PMFBP1: variants seen among roughly 807,000 people sequenced by gnomAD.
The protein encoded by PMFBP1 is polyamine-modulated factor 1-binding protein 1.
Under a neutral mutation model 137.8 loss-of-function variants are expected in PMFBP1, and 131 were observed. That is an observed-to-expected ratio of 0.95 (90% CI 0.82 to 1.10). The LOEUF (loss-of-function observed/expected upper bound fraction) is 1.10. Among genes scored for constraint, PMFBP1 ranks in the 50% least tolerant of loss-of-function variants. The pLI, the probability that PMFBP1 is intolerant of heterozygous loss-of-function variation, is 0.00. For synonymous variants in PMFBP1, 490 were observed against 450.4 expected (o/e 1.09, Z -1.11); for missense variants, 1,199 against 1,175.4 (o/e 1.02, Z -0.29).
At chr16:72,236,813 T>C in the PMFBP1 span, among the ~76,000 whole-genome samples, 1 of 152,194 alleles carries the variant, frequency 6.6e-6, no homozygotes, top group East Asian at 1.9e-4. Flanking sequence ...GGATAGGTGC[T>C]GAAAATAAAA....
chr16:72,190,216 T>A, the PMFBP1 span, among the ~76,000 whole-genome samples: 4 of 152,188 alleles, frequency 2.6e-5, no homozygotes, highest in Non-Finnish European at 5.9e-5. Context: ...TTAGTTTTAT[T>A]CAGTCTCTGA....
rs75847583 is a variant in PMFBP1 at position 72,161,631 on chromosome 16, A to G, written c.165+3133T>C. On this transcript the variant is annotated intron_variant, in intron 3 of 20. Coordinates refer to ENST00000237353, the MANE Select transcript of PMFBP1 (RefSeq NM_031293.3). ...CAAAAGTAGCCCAGAGAGTTCCCAT[A>G]TGTTCTTCATACAGCTTTCCCTAAG... is the stretch of plus-strand genomic sequence containing the variant. Among the ~76,000 whole-genome samples, 596 of 152,228 alleles carry G rather than the reference A, an allele frequency of 3.9e-3. 2 individuals carry two copies. Among genetic ancestry groups the G allele is most frequent in the African/African-American group, 0.014 (572 of 41,550 alleles).
At chr16:72,197,023 A>G in the PMFBP1 span, among the ~76,000 whole-genome samples, 1 of 152,190 alleles carries the variant, frequency 6.6e-6, no homozygotes, top group Non-Finnish European at 1.5e-5. Flanking sequence ...TGCATTTTAA[A>G]CAAGCAGCCC....
chr16:72,149,276 G>A (rs1207901031), intron 5 of PMFBP1, among the ~76,000 whole-genome samples: 1 of 152,174 alleles, frequency 6.6e-6, no homozygotes, highest in Non-Finnish European at 1.5e-5. Context: ...GGATGGGTGT[G>A]GGGAAATACG....
chr16:72,224,650 C>T, the PMFBP1 span: 15 of 152,606 alleles, frequency 9.8e-5, no homozygotes, highest in African/African-American at 3.6e-4. Flanking sequence ...TCTTCAAACA[C>T]CAGCCCAAAT....
chr16:72,125,449 G>A, intron 15 of PMFBP1, 44 bp from the exon 16 acceptor site: 1 of 1,591,704 alleles, frequency 6.3e-7, no homozygotes, highest in East Asian at 2.2e-5. Flanking sequence ...CAGAGACTTT[G>A]ACCCTCTCTG....
chr16:72,132,972 T>C lies in PMFBP1; in HGVS notation c.1223A>G (p.Glu408Gly). ...TTTCTTCTCCAGCTCTTGCAGCATC[T>C]CATCTTTCTCTTGGAGGAACTGAAG... ...KKDKFLQEKD[E>G]MLQELEKKLT... The change falls in exon 10 of 21, where the codon GAG (glutamate) becomes GGG (glycine). Residue 408 changes from glutamate (E) to glycine (G), a missense_variant. Physicochemically the swap from Glu to Gly is moderately conservative, Grantham distance 98. Transcript: ENST00000237353. 1 of 1,614,156 alleles carries C rather than the reference T, an allele frequency of 6.2e-7. No individual in the cohort carries two copies. The highest frequency in any genetic ancestry group is 8.5e-7 in the Non-Finnish European group (1 of 1,180,040).
chr16:72,216,866 C>T, the PMFBP1 span, among the ~76,000 whole-genome samples: 1 of 152,166 alleles, frequency 6.6e-6, no homozygotes, highest in African/African-American at 2.4e-5. Context: ...TTGCAGGCAG[C>T]TTGCTTCGCT....
the PMFBP1 span, among the ~76,000 whole-genome samples, chr16:72,225,718 A>T: frequency 0.016 from 2,187 of 139,874 alleles, 39 homozygotes; most frequent in Non-Finnish European, 0.024. Context: ...TTATAATAAT[A>T]ATAATAATAA....
At chr16:72,238,257 C>T in the PMFBP1 span, among the ~76,000 whole-genome samples, 2 of 152,224 alleles carry the variant, frequency 1.3e-5, no homozygotes, top group Non-Finnish European at 2.9e-5. Flanking sequence ...AACTAATTTA[C>T]ACTTCCACCA....
the PMFBP1 span, among the ~76,000 whole-genome samples, chr16:72,232,026 G>A: frequency 6.6e-6 from 1 of 152,002 alleles, no homozygotes; most frequent in Non-Finnish European, 1.5e-5. Flanking sequence ...ACCATTTCGT[G>A]AGAAAATACC....
At chr16:72,164,443 G>C in intron 3 of PMFBP1, 1 of 1,353,916 alleles carries the variant, frequency 7.4e-7, no homozygotes, top group Non-Finnish European at 9.7e-7. Context: ...AGCAGACGCT[G>C]CTCCCCTTGT....
At chr16:72,139,108 C>T (rs1020820860) in intron 7 of PMFBP1, among the ~76,000 whole-genome samples, 181 bp downstream of exon 7, 5 of 152,088 alleles carry the variant, frequency 3.3e-5, no homozygotes, top group African/African-American at 1.2e-4. Flanking sequence ...TTGAATGCTG[C>T]CTGTCTTTTG....
chr16:72,120,648 G>A (rs918606773), intron 19 of PMFBP1, among the ~76,000 whole-genome samples: 4 of 152,192 alleles, frequency 2.6e-5, no homozygotes, highest in Non-Finnish European at 4.4e-5. Context: ...AGGCTGCCAC[G>A]TAGAGGAGAG....
At position 72,136,751 on chromosome 16, in the gene PMFBP1, C is replaced by T. The variant is rs557032675; in HGVS notation, c.987G>A (p.Val329=). ...CLHVEEYQNL[V]KDLRVELEAV... Reference sequence around the variant, plus strand: ...CCTCTAGTTCCACGCGCAGATCCTTCACCAGGTTCTGGTACTCCTCCACAT... The same window carrying T: ...CCTCTAGTTCCACGCGCAGATCCTTTACCAGGTTCTGGTACTCCTCCACAT... The change falls in exon 8 of 21, where the codon GTG becomes GTA. Residue 329 remains valine, a synonymous_variant. Transcript: ENST00000237353. The T allele has an allele frequency of 3.1e-6, 5 of 1,614,174 alleles. No individual in the cohort carries two copies. The highest frequency in any genetic ancestry group is 2.7e-5 in the African/African-American group (2 of 75,042).
chr16:72,208,795 A>G, the PMFBP1 span, among the ~76,000 whole-genome samples: 1 of 152,182 alleles, frequency 6.6e-6, no homozygotes, highest in Admixed American at 6.5e-5. Flanking sequence ...CCTTTCAGGC[A>G]TTGGTGCGAG....
intron 2 of PMFBP1, 52 bp downstream of exon 2, chr16:72,171,145 C>T: frequency 6.3e-7 from 1 of 1,589,430 alleles, no homozygotes; most frequent in Non-Finnish European, 8.6e-7. Flanking sequence ...TGAAAAAAGT[C>T]CCTTGTAATG....
At chr16:72,212,589 C>G in the PMFBP1 span, among the ~76,000 whole-genome samples, 1 of 152,010 alleles carries the variant, frequency 6.6e-6, no homozygotes, top group Non-Finnish European at 1.5e-5. Flanking sequence ...TACTCCTGTT[C>G]TAGCAGGTCC....
chr16:72,230,516 C>A, the PMFBP1 span, among the ~76,000 whole-genome samples: 1 of 152,110 alleles, frequency 6.6e-6, no homozygotes, highest in South Asian at 2.1e-4. Flanking sequence ...CTAGATGGTC[C>A]AGGTATGGCA....
Sources: allele counts gnomAD v4.1 joint callset (sites outside exome capture counted in the v4.1 genomes callset), GRCh38; gene constraint gnomAD v4.1.1; transcripts MANE v1.5; gene names NCBI Gene and HGNC (gene_info 2026-07-23, HGNC 2026-07-21).